PREX1: variants seen among roughly 807,000 people sequenced by gnomAD.
PREX1 encodes the protein phosphatidylinositol 3,4,5-trisphosphate-dependent Rac exchanger 1 protein.
A neutral mutation model predicts 198.3 loss-of-function variants in PREX1; 41 were observed. That is an observed-to-expected ratio of 0.21 (90% CI 0.16 to 0.27). The LOEUF is 0.27. PREX1 is among the 10% of genes least tolerant of loss of function. The pLI is 1.00. For synonymous variants in PREX1, 843 were observed against 887.2 expected, an observed-to-expected ratio of 0.95 and a Z score of 0.89; for missense variants, 1,620 against 2,200.7, an observed-to-expected ratio of 0.74 and a Z score of 5.28.
intron 1 of PREX1, among the ~76,000 whole-genome samples, chr20:48,757,995 G>A (rs2090162353): frequency 2.0e-5 from 3 of 152,200 alleles, no homozygotes; most frequent in Admixed American, 2.0e-4. Flanking sequence ...CTTAGCGGGT[G>A]TACCATGACA....
At chr20:48,669,239 G>A (rs968151271) in intron 14 of PREX1, among the ~76,000 whole-genome samples, 10 of 148,102 alleles carry the variant, frequency 6.8e-5, no homozygotes, top group East Asian at 2.1e-4. Context: ...GCCCTGCCCC[G>A]GCTTTGCAGG....
rs56844403 is a variant in PREX1, at chr20:48,627,256, G to A, written c.4937+292C>T. On this transcript the variant is annotated intron_variant, in intron 39 of 39. Transcript: ENST00000371941. ...GGACACAGGGTGGAGGGCACGGGGC[G>A]GGGGCTCAGGGCTGAGAGGGCATGG... Among the ~76,000 whole-genome samples, 831 of 151,886 alleles carry A rather than the reference G, an allele frequency of 5.5e-3. 13 individuals carry two copies. The East Asian group carries it at 0.064, about 12-fold the overall frequency.
intron 1 of PREX1, among the ~76,000 whole-genome samples, chr20:48,790,357 C>T (rs1022511169): frequency 6.6e-6 from 1 of 152,080 alleles, no homozygotes; most frequent in African/African-American, 2.4e-5. Context: ...TCAAGTTCCA[C>T]GAGCCTCCCC....
intron 13 of PREX1, among the ~76,000 whole-genome samples, chr20:48,677,091 G>A (rs2046031636): frequency 6.6e-6 from 1 of 152,240 alleles, no homozygotes; most frequent in Admixed American, 6.5e-5. Flanking sequence ...ATAAAGTCTA[G>A]TTGGAGGATT....
At chr20:48,823,802 C>CT (rs1403387771) in intron 1 of PREX1, among the ~76,000 whole-genome samples, 1 of 152,142 alleles carries the variant, frequency 6.6e-6, no homozygotes, top group Non-Finnish European at 1.5e-5. Context: ...CAAAGGCGGT[C>CT]TATCAAGTGG....
At chr20:48,642,773 A>G in intron 27 of PREX1, 1 of 306,972 alleles carries the variant, frequency 3.3e-6, no homozygotes, top group Non-Finnish European at 6.0e-6. Context: ...AACAGAGAAA[A>G]GGACCTGGAG....
intron 5 of PREX1, among the ~76,000 whole-genome samples, chr20:48,719,619 A>C (rs1255449036): frequency 1.3e-5 from 2 of 152,214 alleles, no homozygotes; most frequent in Non-Finnish European, 2.9e-5. Context: ...GAGATAACCC[A>C]AAGTATCCAG....
chr20:48,826,150 A>G (rs979439581), intron 1 of PREX1, among the ~76,000 whole-genome samples: 3 of 151,592 alleles, frequency 2.0e-5, no homozygotes, highest in African/African-American at 7.3e-5. Flanking sequence ...TCTTTCTCCC[A>G]AAGACTAGGA....
chr20:48,652,770 C>T (rs1568804350), intron 20 of PREX1, 64 bp from the exon 21 acceptor site: 11 of 1,542,742 alleles, frequency 7.1e-6, no homozygotes, highest in Middle Eastern at 2.0e-4. Flanking sequence ...GGGACAGGGC[C>T]GAGGTGTGAA....
chr20:48,851,970 T>C, the PREX1 span, among the ~76,000 whole-genome samples: 4,089 of 152,156 alleles, frequency 0.027, 207 homozygotes, highest in African/African-American at 0.094. Context: ...AAAGGACCTT[T>C]CGAGAATTCC....
chr20:48,663,131 G>A (rs1403723069), intron 15 of PREX1, among the ~76,000 whole-genome samples: 1 of 152,216 alleles, frequency 6.6e-6, no homozygotes, highest in Non-Finnish European at 1.5e-5. Flanking sequence ...TAAAGAGTGA[G>A]TCCTATTCCC....
intron 6 of PREX1, among the ~76,000 whole-genome samples, chr20:48,701,460 C>T (rs907764190): frequency 7.2e-5 from 11 of 152,122 alleles, no homozygotes; most frequent in Non-Finnish European, 1.5e-4. Flanking sequence ...GTGATCCAAC[C>T]GCCTCAGCTT....
At chr20:48,792,817 T>TTACACAC (rs1851682648) in intron 1 of PREX1, among the ~76,000 whole-genome samples, 1 of 113,550 alleles carries the variant, frequency 8.8e-6, no homozygotes, top group Non-Finnish European at 1.7e-5. Flanking sequence ...AAAAAAAAAA[T>TTACACAC]ACACACACAC....
chr20:48,650,131 G>C lies in PREX1; in HGVS notation c.2893C>G (p.Leu965Val). 1 of 1,614,014 alleles carries C rather than the reference G, an allele frequency of 6.2e-7. No homozygotes were observed. The highest frequency in any genetic ancestry group is 8.5e-7 in the Non-Finnish European group (1 of 1,179,894). The change falls in exon 24 of 40, where the codon CTG (leucine) becomes GTG (valine). Residue 965 changes from leucine (L) to valine (V), a missense_variant. Physicochemically the swap from Leu to Val is conservative, Grantham distance 32. Around this residue, in one of 7 missense-constraint regions of PREX1, gnomAD observed 514 missense variants for 611.6 expected, o/e 0.84. Transcript: ENST00000371941. ...TGGCAATTGGTGGGGCAGAAGTCCA[G>C]GCCACACAGCGGGTGGGGCTCCAGG... The part of the protein sequence containing the change: ...APLEPHPLCG[L>V]DFCPTNCHIN...
chr20:48,646,519 C>G (rs951451371), intron 25 of PREX1, among the ~76,000 whole-genome samples: 19 of 152,246 alleles, frequency 1.2e-4, no homozygotes, highest in Admixed American at 1.2e-3. Flanking sequence ...TGGCGAAACC[C>G]TGTCTCTACT....
At chr20:48,832,774 A>AG (rs1364835801), upstream of PREX1, among the ~76,000 whole-genome samples, 1 of 152,226 alleles carries the variant, frequency 6.6e-6, no homozygotes, top group South Asian at 2.1e-4. Flanking sequence ...CACATTCTCC[A>AG]GGGGGCTCTG....
chr20:48,763,939 C>T (rs942444744), intron 1 of PREX1, among the ~76,000 whole-genome samples: 4 of 152,124 alleles, frequency 2.6e-5, no homozygotes, highest in African/African-American at 9.7e-5. Context: ...CTCCATTTTA[C>T]GAAAAAGGAG....
At chr20:48,686,016 T>C (rs1366594226) in intron 10 of PREX1, among the ~76,000 whole-genome samples, 1 of 152,144 alleles carries the variant, frequency 6.6e-6, no homozygotes, top group African/African-American at 2.4e-5. Flanking sequence ...TAAAAATGAA[T>C]AGACAGGCAA....
At chr20:48,778,589 C>CT (rs2090274358) in intron 1 of PREX1, among the ~76,000 whole-genome samples, 1 of 149,604 alleles carries the variant, frequency 6.7e-6, no homozygotes, top group Admixed American at 6.6e-5. Flanking sequence ...GACTCCGTCT[C>CT]TAAAAAAAAA....
Sources: gnomAD v4.1 joint callset for allele counts (sites outside exome capture counted in the v4.1 genomes callset) on GRCh38, gnomAD v4.1.1 for gene constraint, gnomAD v4.1.1 regional missense constraint, MANE v1.5 for transcripts, NCBI Gene and HGNC (gene_info 2026-07-23, HGNC 2026-07-21) for gene names.